The following LYPD6B variants were observed in gnomAD, a reference collection of about 807,000 sequenced individuals.
The protein encoded by LYPD6B is ly6/PLAUR domain-containing protein 6B.
LYPD6B carries 17 observed loss-of-function variants against 22.8 expected under a neutral mutation model. The observed-to-expected ratio is 0.75, with a 90% CI of 0.51 to 1.12. The LOEUF (loss-of-function observed/expected upper bound fraction) is 1.12, where lower values mean the gene tolerates loss of function less well. Among genes scored for constraint, LYPD6B ranks in the 50% most tolerant of loss-of-function variants. The probability of loss-of-function intolerance (pLI) is 0.00; values close to 1 mark genes in which losing one functional copy is unlikely to be tolerated. For synonymous variants in LYPD6B, 106 were observed against 91.6 expected (o/e 1.16, Z -0.90); for missense variants, 221 against 258.3 (o/e 0.86, Z 0.99).
At chr2:149,181,707 C>G (rs1575133889) in intron 3 of LYPD6B, among the ~76,000 whole-genome samples, 1 of 152,240 alleles carries the variant, frequency 6.6e-6, no homozygotes, top group East Asian at 1.9e-4. Context: ...CCCTGTTTTC[C>G]TTCTAATACA....
intron 1 of LYPD6B, among the ~76,000 whole-genome samples, chr2:149,106,158 T>C (rs1330993230): frequency 6.6e-6 from 1 of 152,146 alleles, no homozygotes; most frequent in Non-Finnish European, 1.5e-5. Flanking sequence ...GTTCATGATA[T>C]ATTGTTTTAT....
intron 1 of LYPD6B, among the ~76,000 whole-genome samples, chr2:149,113,795 CA>C (rs1326451016): frequency 6.6e-6 from 1 of 152,112 alleles, no homozygotes; most frequent in African/African-American, 2.4e-5. Context: ...TTCTGACTAC[CA>C]CAAAAACTGA....
intron 2 of LYPD6B, among the ~76,000 whole-genome samples, chr2:149,142,537 G>A (rs1688756604): frequency 6.6e-6 from 1 of 152,124 alleles, no homozygotes. Flanking sequence ...TTAAATTAGG[G>A]GAACAGGACA....
intron 1 of LYPD6B, among the ~76,000 whole-genome samples, chr2:149,110,293 A>G (rs1040202120): frequency 2.4e-4 from 37 of 151,930 alleles, no homozygotes; most frequent in African/African-American, 8.9e-4. Context: ...TAACATCTGT[A>G]TCTGTTCTGG....
intron 1 of LYPD6B, among the ~76,000 whole-genome samples, chr2:149,071,839 G>A (rs1050879334): frequency 6.6e-6 from 1 of 152,138 alleles, no homozygotes; most frequent in Non-Finnish European, 1.5e-5. Context: ...TTAAAGATTG[G>A]GAGGCAAATG....
chr2:149,087,443 G>C (rs1340633604), intron 1 of LYPD6B, among the ~76,000 whole-genome samples: 1 of 152,122 alleles, frequency 6.6e-6, no homozygotes, highest in Non-Finnish European at 1.5e-5. Context: ...GCTCATGCCT[G>C]TAATCCCAGT....
intron 1 of LYPD6B, among the ~76,000 whole-genome samples, chr2:149,098,925 G>A (rs1020536490): frequency 6.6e-6 from 1 of 152,084 alleles, no homozygotes; most frequent in Non-Finnish European, 1.5e-5. Context: ...GGCTTAGAAT[G>A]CTTCCTGAAT....
At chr2:149,169,687 T>G (rs72859023) in intron 3 of LYPD6B, among the ~76,000 whole-genome samples, 3 of 152,062 alleles carry the variant, frequency 2.0e-5, no homozygotes, top group Non-Finnish European at 4.4e-5. Context: ...AGAGGCCAGA[T>G]GGATAGTTCT....
At chr2:149,116,009 T>C (rs939222250) in intron 1 of LYPD6B, among the ~76,000 whole-genome samples, 1 of 152,192 alleles carries the variant, frequency 6.6e-6, no homozygotes, top group Non-Finnish European at 1.5e-5. Flanking sequence ...ATTGCAGTGC[T>C]TGTGTTCAAG....
intron 2 of LYPD6B, among the ~76,000 whole-genome samples, chr2:149,148,049 C>G (rs896032567): frequency 4.0e-5 from 6 of 151,882 alleles, no homozygotes; most frequent in Admixed American, 3.9e-4. Context: ...TTCTCTTGAC[C>G]CATTTGCCTG....
At chr2:149,195,628 ATAG>A (rs532113973) in intron 3 of LYPD6B, among the ~76,000 whole-genome samples, 144 of 152,330 alleles carry the variant, frequency 9.5e-4, no homozygotes, top group Middle Eastern at 3.4e-3. Flanking sequence ...TCAGATAATC[ATAG>A]AATTTGAGAG....
intron 2 of LYPD6B, among the ~76,000 whole-genome samples, chr2:149,148,167 G>A (rs1689155103): frequency 6.6e-6 from 1 of 152,174 alleles, no homozygotes; most frequent in Admixed American, 6.5e-5. Flanking sequence ...GCAGCTGCAT[G>A]TGAAAATTGA....
chr2:149,055,415 C>A (rs1683745551), intron 1 of LYPD6B, among the ~76,000 whole-genome samples: 2 of 152,014 alleles, frequency 1.3e-5, no homozygotes, highest in East Asian at 3.9e-4. Flanking sequence ...TAATTTCTAC[C>A]AAAAAGGCCA....
intron 3 of LYPD6B, among the ~76,000 whole-genome samples, chr2:149,167,218 A>C (rs900361868): frequency 6.6e-6 from 1 of 152,140 alleles, no homozygotes; most frequent in Non-Finnish European, 1.5e-5. Context: ...TGGCTGCTGC[A>C]GTTGAATAGC....
intron 1 of LYPD6B, among the ~76,000 whole-genome samples, chr2:149,123,468 T>G (rs1687501879): frequency 6.6e-6 from 1 of 152,110 alleles, no homozygotes; most frequent in Admixed American, 6.6e-5. Flanking sequence ...TGTACGTAAC[T>G]AAAGTTGGAC....
At chr2:149,075,078 A>G (rs1490321793) in intron 1 of LYPD6B, among the ~76,000 whole-genome samples, 1 of 152,226 alleles carries the variant, frequency 6.6e-6, no homozygotes, top group Non-Finnish European at 1.5e-5. Context: ...TGAGCCAATC[A>G]GTCATATGGA....
intron 3 of LYPD6B, among the ~76,000 whole-genome samples, chr2:149,202,002 G>A (rs1317684554): frequency 2.0e-5 from 3 of 152,160 alleles, no homozygotes; most frequent in Non-Finnish European, 4.4e-5. Flanking sequence ...TATTTTGAAG[G>A]ATGGAAAAAC....
intron 1 of LYPD6B, among the ~76,000 whole-genome samples, chr2:149,112,408 A>G (rs1304004364): frequency 6.6e-6 from 1 of 152,212 alleles, no homozygotes; most frequent in Non-Finnish European, 1.5e-5. Flanking sequence ...ATACAAAGAT[A>G]GAATATGGTA....
At chr2:149,174,052 G>A (rs1458519148) in intron 3 of LYPD6B, among the ~76,000 whole-genome samples, 1 of 152,064 alleles carries the variant, frequency 6.6e-6, no homozygotes, top group Non-Finnish European at 1.5e-5. Flanking sequence ...ATTTATTTGT[G>A]TCATCTCTGA....
Sources: allele counts gnomAD v4.1 joint callset (sites outside exome capture counted in the v4.1 genomes callset), GRCh38; gene constraint gnomAD v4.1.1; transcripts MANE v1.5; gene names NCBI Gene and HGNC (gene_info 2026-07-23, HGNC 2026-07-21).